Variants in EYS observed in about 807,000 individuals in gnomAD.
EYS encodes EGF-like photoreceptor maintenance factor.
A neutral mutation model predicts 282.1 loss-of-function variants in EYS; 250 were observed. The ratio of observed to expected loss-of-function variants is 0.89; its 90% CI spans 0.80 to 0.98. The LOEUF is 0.98. Among genes scored for constraint, EYS ranks in the 50% least tolerant of loss-of-function variants. EYS has a pLI of 0.00. For synonymous variants in EYS, 1,355 were observed against 1,282.9 expected, an observed-to-expected ratio of 1.06 and a Z score of -1.20; for missense variants, 4,016 against 3,709.0, an observed-to-expected ratio of 1.08 and a Z score of -2.15.
At chr6:64,719,724 G>A (rs1336657769) in intron 22 of EYS, among the ~76,000 whole-genome samples, 1 of 152,036 alleles carries the variant, frequency 6.6e-6, no homozygotes, top group African/African-American at 2.4e-5. Context: ...GGCCAACGTG[G>A]GAAAACCCCG....
At chr6:64,759,442 G>A (rs1019107917) in intron 22 of EYS, among the ~76,000 whole-genome samples, 1 of 151,966 alleles carries the variant, frequency 6.6e-6, no homozygotes, top group African/African-American at 2.4e-5. Flanking sequence ...TAGTAAATTT[G>A]CCTACTGTTC....
chr6:64,371,450 C>A (rs683901), intron 29 of EYS, among the ~76,000 whole-genome samples: 108,931 of 151,718 alleles, frequency 0.72, 39,286 homozygotes, highest in African/African-American at 0.79. Context: ...GTAATTTTAG[C>A]GTATGTGGCA....
intron 15 of EYS, among the ~76,000 whole-genome samples, chr6:64,934,746 C>T (rs1768848398): frequency 6.6e-6 from 1 of 151,762 alleles, no homozygotes; most frequent in Non-Finnish European, 1.5e-5. Flanking sequence ...AGCAGACTAA[C>T]ATATAAAGAA....
chr6:65,697,016 TA>T (rs1318001739), intron 1 of EYS, among the ~76,000 whole-genome samples: 4 of 151,996 alleles, frequency 2.6e-5, no homozygotes, highest in Non-Finnish European at 5.9e-5. Flanking sequence ...ATTCGATAGT[TA>T]AAAAATTCAA....
intron 31 of EYS, among the ~76,000 whole-genome samples, chr6:64,139,860 T>C (rs149636954): frequency 6.6e-6 from 1 of 151,616 alleles, no homozygotes; most frequent in African/African-American, 2.4e-5. Context: ...TCCTAGCTAC[T>C]TGGGAGGCTG....
chr6:63,958,912 CCTGGACACTCA>C (rs1219556081), intron 35 of EYS, among the ~76,000 whole-genome samples: 1 of 152,156 alleles, frequency 6.6e-6, no homozygotes, highest in African/African-American at 2.4e-5. Flanking sequence ...TGACAATGCA[CCTGGACACTCA>C]AGAGTTCTGA....
chr6:64,690,944 G>A (rs1002185888), intron 22 of EYS, among the ~76,000 whole-genome samples: 8 of 151,920 alleles, frequency 5.3e-5, no homozygotes, highest in Non-Finnish European at 1.2e-4. Flanking sequence ...AAACCTGCAT[G>A]TTGTGCACAT....
chr6:63,795,969 T>A (rs1191502020), intron 37 of EYS, among the ~76,000 whole-genome samples: 1 of 152,182 alleles, frequency 6.6e-6, no homozygotes, highest in East Asian at 1.9e-4. Context: ...GTAACTGTAA[T>A]TAGAAGTGGT....
chr6:63,960,414 C>G (rs192666955), intron 35 of EYS, among the ~76,000 whole-genome samples: 102 of 152,260 alleles, frequency 6.7e-4, no homozygotes, highest in Middle Eastern at 3.4e-3. Flanking sequence ...GAGATGGACT[C>G]TACCAGTGAA....
At chr6:63,772,455 T>C (rs1380586786) in intron 40 of EYS, among the ~76,000 whole-genome samples, 5 of 152,158 alleles carry the variant, frequency 3.3e-5, no homozygotes, top group Non-Finnish European at 7.3e-5. Flanking sequence ...TATCTATGTG[T>C]TATATAAATA....
chr6:64,694,307 T>C (rs1164805340), intron 22 of EYS, among the ~76,000 whole-genome samples: 1 of 152,158 alleles, frequency 6.6e-6, no homozygotes, highest in African/African-American at 2.4e-5. Context: ...ATTGAATGCT[T>C]TTAAAAATAA....
At chr6:64,960,744 A>G (rs1233911727) in intron 14 of EYS, among the ~76,000 whole-genome samples, 3 of 152,134 alleles carry the variant, frequency 2.0e-5, no homozygotes, top group African/African-American at 7.2e-5. Context: ...ATATTCCATC[A>G]TCAGGTATTA....
At chr6:64,976,086 A>T (rs1034219205) in intron 14 of EYS, among the ~76,000 whole-genome samples, 9 of 151,988 alleles carry the variant, frequency 5.9e-5, no homozygotes, top group Non-Finnish European at 1.0e-4. Context: ...ATTTTTAAAT[A>T]TAAATGAAAT....
intron 12 of EYS, among the ~76,000 whole-genome samples, chr6:65,175,140 T>G (rs1304108128): frequency 6.6e-6 from 1 of 151,310 alleles, no homozygotes; most frequent in Non-Finnish European, 1.5e-5. Flanking sequence ...TTAGAGAGAC[T>G]GTGAAAATGG....
intron 39 of EYS, 62 bp from the exon 40 acceptor site, chr6:63,778,242 A>T: frequency 2.0e-6 from 3 of 1,473,740 alleles, no homozygotes. Flanking sequence ...AACAAGAAGA[A>T]GGTTATTTTT....
intron 26 of EYS, among the ~76,000 whole-genome samples, chr6:64,446,631 T>C: frequency 6.6e-6 from 1 of 152,090 alleles, no homozygotes; most frequent in Non-Finnish European, 1.5e-5. Flanking sequence ...GTATTTTTTA[T>C]AGTTAGTGTT....
At chr6:65,689,545 A>T (rs542866487) in intron 1 of EYS, among the ~76,000 whole-genome samples, 27 of 150,094 alleles carry the variant, frequency 1.8e-4, no homozygotes, top group African/African-American at 6.3e-4. Flanking sequence ...ATGTGTAAAA[A>T]TTAAGATAAA....
At chr6:64,599,066 G>C (rs1297529562) in intron 24 of EYS, among the ~76,000 whole-genome samples, 1 of 152,140 alleles carries the variant, frequency 6.6e-6, no homozygotes, top group Non-Finnish European at 1.5e-5. Context: ...GTAGAAATGA[G>C]GTCACAGAGG....
intron 6 of EYS, among the ~76,000 whole-genome samples, chr6:65,403,026 A>G (rs1766578087): frequency 6.6e-6 from 1 of 152,136 alleles, no homozygotes; most frequent in South Asian, 2.1e-4. Flanking sequence ...TTCTGGGCCA[A>G]GCTAACAGCC....
Sources: gnomAD v4.1 joint callset for allele counts (sites outside exome capture counted in the v4.1 genomes callset) on GRCh38, gnomAD v4.1.1 for gene constraint, MANE v1.5 for transcripts, NCBI Gene and HGNC (gene_info 2026-07-23, HGNC 2026-07-21) for gene names.